KYNU: variants seen among roughly 807,000 people sequenced by gnomAD.
KYNU encodes the protein L-kynurenine hydrolase.
In KYNU, 54 loss-of-function variants were observed where a neutral mutation model predicts 59.2. The ratio of observed to expected loss-of-function variants is 0.91; its 90% CI spans 0.73 to 1.14. KYNU has a LOEUF of 1.14. Among genes scored for constraint, KYNU ranks in the 50% most tolerant of loss-of-function variants. The pLI is 0.00. For synonymous variants in KYNU, 177 were observed against 192.0 expected, an observed-to-expected ratio of 0.92 and a Z score of 0.65; for missense variants, 567 against 554.4, an observed-to-expected ratio of 1.02 and a Z score of -0.23.
At chr2:143,027,414 T>C (rs886338264) in intron 10 of KYNU, among the ~76,000 whole-genome samples, 1 of 152,212 alleles carries the variant, frequency 6.6e-6, no homozygotes, top group African/African-American at 2.4e-5. Context: ...TATGGTCTCA[T>C]CTTTACATTA....
intron 8 of KYNU, among the ~76,000 whole-genome samples, chr2:142,975,103 C>G (rs1161686821): frequency 6.6e-6 from 1 of 152,124 alleles, no homozygotes; most frequent in East Asian, 1.9e-4. Context: ...GAACAGTTAT[C>G]CCTGTTTTCC....
At chr2:142,978,624 GCAGA>G (rs1684957094) in intron 8 of KYNU, among the ~76,000 whole-genome samples, 1 of 152,150 alleles carries the variant, frequency 6.6e-6, no homozygotes, top group African/African-American at 2.4e-5. Context: ...GCTGATATTC[GCAGA>G]CACCTCTCAT....
chr2:143,000,032 C>T (rs913416653), intron 10 of KYNU, among the ~76,000 whole-genome samples: 6 of 152,054 alleles, frequency 3.9e-5, no homozygotes, highest in Non-Finnish European at 7.4e-5. Flanking sequence ...TATTAATACT[C>T]TATATCCAAA....
Position 142,957,918 on chromosome 2 carries a change from G to A in KYNU, c.582+203G>A, listed in dbSNP as rs2105091804. ...TGTGTATTTATTTTCATTTTTCAAG[G>A]GCTAGCCATATGGCAAGCAAACTAT... On this transcript the variant is annotated intron_variant, in intron 7 of 13. Coordinates refer to ENST00000264170, the MANE Select transcript of KYNU (RefSeq NM_003937.3). The A allele has an allele frequency of 5.8e-6, 3 of 519,910 alleles. No individual in the cohort carries two copies. The East Asian group carries it at 9.9e-5, about 17-fold the overall frequency. The allele number at this position is 519,910 out of a possible 1,614,324, so 32.2% of individuals were successfully genotyped here.
At chr2:142,991,519 A>G (rs756671619) in intron 10 of KYNU, among the ~76,000 whole-genome samples, 1 of 151,766 alleles carries the variant, frequency 6.6e-6, no homozygotes, top group Non-Finnish European at 1.5e-5. Flanking sequence ...GCCTGTATTT[A>G]GCCAGTGTTA....
rs1040137406 is a variant in KYNU at position 143,052,839 on chromosome 2, C to A, written c.*10667C>A. Reference sequence around the variant, plus strand: ...CCCCCATACAGAGTCCCTACTGAGGCACCACCTAGTGGAGCTTTGAGAAGA... The same window carrying A: ...CCCCCATACAGAGTCCCTACTGAGGAACCACCTAGTGGAGCTTTGAGAAGA... On this transcript the variant is annotated 3_prime_UTR_variant, in exon 14 of 14. Transcript: ENST00000264170. 1 of 152,302 alleles carries A rather than the reference C, an allele frequency of 6.6e-6. No individual in the cohort carries two copies. Among genetic ancestry groups the A allele is most frequent in the African/African-American group, 2.4e-5 (1 of 41,470 alleles). The allele number at this position is 152,302 out of a possible 1,614,324, so 9.4% of individuals were successfully genotyped here. A position where few individuals can be genotyped will look rare whatever the true frequency, so the allele number is the denominator to read the frequency against.
intron 10 of KYNU, among the ~76,000 whole-genome samples, chr2:142,992,068 A>ACAGTG (rs1288341392): frequency 2.6e-5 from 4 of 152,084 alleles, no homozygotes; most frequent in Middle Eastern, 3.4e-3. Flanking sequence ...ATCAGATAAT[A>ACAGTG]CAGTGAAAAT....
chr2:142,946,195 C>T (rs963549508), intron 4 of KYNU, among the ~76,000 whole-genome samples: 1 of 152,008 alleles, frequency 6.6e-6, no homozygotes, highest in African/African-American at 2.4e-5. Context: ...AATTCTCTGG[C>T]CTCAGCTTCC....
intron 3 of KYNU, among the ~76,000 whole-genome samples, chr2:142,921,838 A>G (rs931856275): frequency 6.6e-6 from 1 of 151,928 alleles, no homozygotes; most frequent in African/African-American, 2.4e-5. Context: ...ACATACATAC[A>G]TACATACATA....
chr2:142,955,906 C>G (rs189720586), intron 5 of KYNU, among the ~76,000 whole-genome samples: 1 of 152,156 alleles, frequency 6.6e-6, no homozygotes, highest in Admixed American at 6.5e-5. Context: ...TGTTAATCAT[C>G]AGACTTTAAG....
intron 1 of KYNU, among the ~76,000 whole-genome samples, chr2:142,880,229 C>T (rs1234201084): frequency 6.6e-6 from 1 of 152,180 alleles, no homozygotes; most frequent in Non-Finnish European, 1.5e-5. Context: ...CAACTCAGTC[C>T]AGCTACCATC....
chr2:142,914,910 C>T (rs1558918654), intron 2 of KYNU, among the ~76,000 whole-genome samples: 1 of 152,238 alleles, frequency 6.6e-6, no homozygotes, highest in East Asian at 1.9e-4. Context: ...TTCTAATGGC[C>T]TTTATTTGCA....
chr2:143,045,402 A>C lies in KYNU; in HGVS notation c.*3230A>C, dbSNP rs1459552512. The C allele has an allele frequency of 6.6e-6, 1 of 152,122 alleles. No individual in the cohort carries two copies. The highest frequency in any genetic ancestry group is 1.5e-5 in the Non-Finnish European group (1 of 68,018). The allele number at this position is 152,122 out of a possible 1,614,324, so 9.4% of individuals were successfully genotyped here. A position where few individuals can be genotyped will look rare whatever the true frequency, so the allele number is the denominator to read the frequency against. ...TGGTAGCTTGATGGAAATAGCATTG[A>C]ATCTATAAATTACTCTCAGCAATAT... is the stretch of plus-strand genomic sequence containing the variant. On this transcript the variant is annotated 3_prime_UTR_variant, in exon 14 of 14. Coordinates refer to ENST00000264170, the MANE Select transcript of KYNU (RefSeq NM_003937.3).
chr2:142,919,407 C>G (rs756832326), intron 3 of KYNU, among the ~76,000 whole-genome samples: 8 of 152,108 alleles, frequency 5.3e-5, no homozygotes, highest in Admixed American at 2.6e-4. Context: ...GCTAAATTAT[C>G]AACACTTACT....
Position 142,955,977 on chromosome 2 carries a change from C to G in KYNU, c.436-226C>G, listed in dbSNP as rs540708369. ...TCGTTATCACATTCACATTTTCCCC[C>G]GAGTTTGCTGTTTCATTGATAAGCA... On this transcript the variant is annotated intron_variant, in intron 5 of 13. Coordinates refer to ENST00000264170, the MANE Select transcript of KYNU (RefSeq NM_003937.3). 2.2e-4 allele frequency among the ~76,000 whole-genome samples: 34 copies of G among 152,136 alleles called. 1 individual carries two copies. The highest frequency in any genetic ancestry group is 7.7e-4 in the African/African-American group (32 of 41,546).
At chr2:142,918,804 T>C in intron 3 of KYNU, 75 bp downstream of exon 3, 1 of 1,487,036 alleles carries the variant, frequency 6.7e-7, no homozygotes. Flanking sequence ...TTGTCTAATA[T>C]TTGGAAAGAT....
At chr2:142,891,976 A>G (rs1426328561) in intron 2 of KYNU, among the ~76,000 whole-genome samples, 1 of 151,878 alleles carries the variant, frequency 6.6e-6, no homozygotes, top group African/African-American at 2.4e-5. Flanking sequence ...GTAGTGGTGC[A>G]ATTTTGACTC....
At chr2:142,886,174 T>C (rs1394979024) in intron 2 of KYNU, among the ~76,000 whole-genome samples, 1 of 152,192 alleles carries the variant, frequency 6.6e-6, no homozygotes, top group Admixed American at 6.5e-5. Flanking sequence ...TGATTCATCA[T>C]ATTTAGCTTT....
intron 10 of KYNU, among the ~76,000 whole-genome samples, chr2:143,005,462 T>C (rs1685849835): frequency 2.0e-5 from 3 of 149,508 alleles, no homozygotes; most frequent in African/African-American, 4.9e-5. Context: ...CTGGCCCTTT[T>C]TGTCAACAAG....
Sources: gnomAD v4.1 joint callset for allele counts (sites outside exome capture counted in the v4.1 genomes callset) on GRCh38, gnomAD v4.1.1 for gene constraint, MANE v1.5 for transcripts, NCBI Gene and HGNC (gene_info 2026-07-23, HGNC 2026-07-21) for gene names.